The following EVL variants were observed in gnomAD, a reference collection of about 807,000 sequenced individuals.
EVL encodes the protein ena/VASP-like protein.
In EVL, 21 loss-of-function variants were observed where a neutral mutation model predicts 59.6. That is an observed-to-expected ratio of 0.35 (90% CI 0.25 to 0.51). The LOEUF is 0.51. Ranked by LOEUF, EVL falls within the 20% of genes least tolerant of loss-of-function variation. The pLI is 0.97. For missense variants in EVL, 462 were observed against 546.6 expected, an observed-to-expected ratio of 0.85 and a Z score of 1.54; for synonymous variants, 198 against 203.5, an observed-to-expected ratio of 0.97 and a Z score of 0.23.
intron 1 of EVL, among the ~76,000 whole-genome samples, chr14:100,021,611 C>G (rs1436813207): frequency 3.3e-5 from 5 of 152,134 alleles, no homozygotes; most frequent in African/African-American, 1.2e-4. Flanking sequence ...AGCAGAATCC[C>G]TGGAAAGCTC....
At chr14:100,027,287 G>A (rs951912128) in intron 1 of EVL, among the ~76,000 whole-genome samples, 1 of 152,072 alleles carries the variant, frequency 6.6e-6, no homozygotes, top group Non-Finnish European at 1.5e-5. Flanking sequence ...ATTTTGAAAT[G>A]TACAATAAAT....
At chr14:100,133,172 A>AAATT (rs1888547971) in intron 8 of EVL, among the ~76,000 whole-genome samples, 1 of 152,158 alleles carries the variant, frequency 6.6e-6, no homozygotes, top group South Asian at 2.1e-4. Flanking sequence ...TTTTATTTTC[A>AAATT]AATTATTTCT....
chr14:99,984,174 T>G (rs1389694603), intron 1 of EVL, among the ~76,000 whole-genome samples: 2 of 152,182 alleles, frequency 1.3e-5, no homozygotes, highest in Non-Finnish European at 2.9e-5. Flanking sequence ...CAAAAGCTAT[T>G]TTATTATGTG....
chr14:100,073,228 TC>T (rs2140282693), intron 1 of EVL, among the ~76,000 whole-genome samples: 1 of 151,976 alleles, frequency 6.6e-6, no homozygotes, highest in African/African-American at 2.4e-5. Flanking sequence ...AAGTCTTGCT[TC>T]CCCTTCATGA....
chr14:100,134,799 G>C (rs942091457), intron 8 of EVL: 1 of 152,192 alleles, frequency 6.6e-6, no homozygotes, highest in Admixed American at 6.5e-5. Context: ...ACTGCTCCGA[G>C]GACCAGTTCC....
intron 2 of EVL, among the ~76,000 whole-genome samples, chr14:100,091,126 C>T (rs974181827): frequency 6.6e-6 from 1 of 152,136 alleles, no homozygotes; most frequent in Non-Finnish European, 1.5e-5. Context: ...ATTAGAATGT[C>T]GGCGTGCTGC....
Position 100,141,775 on chromosome 14 carries a change from AAGG to A in EVL, c.1207_1209del (p.Glu403del), listed in dbSNP as rs1566735652. Reference sequence around the variant, plus strand: ...GGTGGTGAGAGAGCTCCACAAGGTGAAGGAGGAGATCATCGACGGTGAGTGCAG... The same window carrying A: ...GGTGGTGAGAGAGCTCCACAAGGTGAAGGAGATCATCGACGGTGAGTGCAG... On this transcript the variant is annotated inframe_deletion, in exon 13 of 14. Coordinates refer to ENST00000392920, the MANE Select transcript of EVL (RefSeq NM_016337.3). The A allele has an allele frequency of 1.9e-6, 3 of 1,613,266 alleles. No homozygotes were observed. The highest frequency in any genetic ancestry group is 8.5e-7 in the Non-Finnish European group (1 of 1,179,930).
chr14:100,133,985 A>G (rs1312313389), intron 8 of EVL, among the ~76,000 whole-genome samples: 1 of 152,138 alleles, frequency 6.6e-6, no homozygotes, highest in Non-Finnish European at 1.5e-5. Context: ...CCCGACCCCC[A>G]GGCCTCACAA....
chr14:100,028,134 G>GTTT (rs137903594), intron 1 of EVL, among the ~76,000 whole-genome samples: 46 of 118,764 alleles, frequency 3.9e-4, no homozygotes, highest in Non-Finnish European at 5.4e-4. Context: ...TTGTTTGTTT[G>GTTT]TTTTTTTTTT....
intron 13 of EVL, among the ~76,000 whole-genome samples, chr14:100,143,024 C>T (rs1264044899): frequency 6.6e-6 from 1 of 152,214 alleles, no homozygotes; most frequent in Non-Finnish European, 1.5e-5. Context: ...TGGCTCTTGG[C>T]CCAGCAAGGT....
At chr14:100,025,423 C>T (rs1476202681) in intron 1 of EVL, among the ~76,000 whole-genome samples, 2 of 152,170 alleles carry the variant, frequency 1.3e-5, no homozygotes, top group African/African-American at 4.8e-5. Flanking sequence ...GTGGCTTATG[C>T]CCTGGTCTCT....
chr14:100,016,437 G>A lies in EVL; in HGVS notation c.5+44380G>A, dbSNP rs574218854. 9.2e-5 allele frequency among the ~76,000 whole-genome samples: 14 copies of A among 151,838 alleles called. No individual in the cohort carries two copies. The East Asian group carries it at 1.4e-3, about 15-fold the overall frequency. On this transcript the variant is annotated intron_variant, in intron 1 of 13. Coordinates refer to the EVL transcript ENST00000402714. ...CCAGTTACTCGGGAGGCTGAAGCAC[G>A]AGAATCACTTGAACCCAGGAGGCAG...
chr14:100,054,116 G>A (rs1344674795), intron 1 of EVL, among the ~76,000 whole-genome samples: 5 of 129,852 alleles, frequency 3.9e-5, no homozygotes, highest in Non-Finnish European at 6.2e-5. Flanking sequence ...GTGCAGTGGC[G>A]TGATCCCAGA....
chr14:100,134,907 G>A (rs1189595281), intron 8 of EVL: 3 of 152,214 alleles, frequency 2.0e-5, no homozygotes, highest in African/African-American at 4.8e-5. Flanking sequence ...TGGGAGTGCT[G>A]CGGCCACCTC....
chr14:100,020,480 C>CGT (rs2061104019), intron 1 of EVL, among the ~76,000 whole-genome samples: 1 of 151,424 alleles, frequency 6.6e-6, no homozygotes, highest in Non-Finnish European at 1.5e-5. Flanking sequence ...TGTGTGTGCA[C>CGT]GCACACACAC....
chr14:100,092,232 AC>A (rs2062580243), intron 2 of EVL, among the ~76,000 whole-genome samples: 1 of 151,934 alleles, frequency 6.6e-6, no homozygotes, highest in Non-Finnish European at 1.5e-5. Context: ...ACAGAATGAG[AC>A]CCCATCTCAT....
At chr14:100,134,062 G>A (rs1189183072) in intron 8 of EVL, among the ~76,000 whole-genome samples, 1 of 152,214 alleles carries the variant, frequency 6.6e-6, no homozygotes, top group East Asian at 1.9e-4. Context: ...ACGACTGCTT[G>A]TGGAGACTCG....
intron 1 of EVL, among the ~76,000 whole-genome samples, chr14:100,035,528 A>G (rs2061376349): frequency 1.3e-5 from 2 of 151,938 alleles, no homozygotes; most frequent in Admixed American, 1.3e-4. Flanking sequence ...TTTGCATACC[A>G]GTGTGGTTTT....
At position 100,106,701 on chromosome 14, in the gene EVL, C is replaced by T. The variant is rs550097338; in HGVS notation, c.358+9043C>T. The T allele has an allele frequency of 2.2e-4, 88 of 397,666 alleles. 1 individual carries two copies. The South Asian group carries it at 9.7e-3, about 44-fold the overall frequency. 24.6% of individuals were successfully genotyped at this position (397,666 alleles called of 1,614,324 possible). On this transcript the variant is annotated intron_variant, in intron 3 of 13. Transcript: ENST00000392920. ...AACATTATAATAAAAAGAGGACCAT[C>T]GGGCCTGAGAGGGTTGAAGTTTTGT...
Sources: allele counts gnomAD v4.1 joint callset (sites outside exome capture counted in the v4.1 genomes callset), GRCh38; gene constraint gnomAD v4.1.1; transcripts MANE v1.5; gene names NCBI Gene and HGNC (gene_info 2026-07-23, HGNC 2026-07-21).